The following THEMIS variants were observed in gnomAD, a reference collection of about 807,000 sequenced individuals.
THEMIS encodes the protein protein THEMIS.
In THEMIS, 37 loss-of-function variants were observed where a neutral mutation model predicts 52.6. The observed-to-expected ratio is 0.70, with a 90% CI of 0.54 to 0.93. The LOEUF (loss-of-function observed/expected upper bound fraction) is 0.93, where lower values mean the gene tolerates loss of function less well. Ranked by LOEUF, THEMIS falls within the 40% of genes least tolerant of loss-of-function variation. The pLI, the probability that THEMIS is intolerant of heterozygous loss-of-function variation, is 0.00. For missense variants in THEMIS, 808 were observed against 763.1 expected (o/e 1.06, Z -0.69); for synonymous variants, 292 against 272.7 (o/e 1.07, Z -0.70).
chr6:127,849,742 C>T (rs1016354968), intron 2 of THEMIS, among the ~76,000 whole-genome samples: 1 of 151,880 alleles, frequency 6.6e-6, no homozygotes, highest in African/African-American at 2.4e-5. Flanking sequence ...CAAAAATCAA[C>T]TCAAGATGGG....
intron 4 of THEMIS, among the ~76,000 whole-genome samples, chr6:127,733,171 C>T (rs1303570309): frequency 6.6e-6 from 1 of 152,130 alleles, no homozygotes; most frequent in Non-Finnish European, 1.5e-5. Context: ...TGAGTTTTTG[C>T]CCACTTTGTC....
chr6:127,738,191 T>C (rs1325800811), intron 4 of THEMIS, among the ~76,000 whole-genome samples: 1 of 152,102 alleles, frequency 6.6e-6, no homozygotes, highest in Non-Finnish European at 1.5e-5. Context: ...ATGCATAATA[T>C]AAAGCAAGAA....
intron 4 of THEMIS, among the ~76,000 whole-genome samples, chr6:127,785,008 A>G (rs1197647482): frequency 1.6e-5 from 2 of 128,976 alleles, no homozygotes; most frequent in Non-Finnish European, 3.5e-5. Flanking sequence ...TCTATCTATT[A>G]TCTATCTATC....
intron 4 of THEMIS, among the ~76,000 whole-genome samples, chr6:127,789,689 G>T (rs1777094971): frequency 1.3e-5 from 2 of 152,102 alleles, no homozygotes; most frequent in Non-Finnish European, 2.9e-5. Context: ...CATCAAGTCG[G>T]CTTCATCCCT....
chr6:127,856,163 G>A (rs928866313), intron 1 of THEMIS, among the ~76,000 whole-genome samples: 1 of 151,880 alleles, frequency 6.6e-6, no homozygotes, highest in Admixed American at 6.6e-5. Context: ...AGCGTTTTAG[G>A]TTTGCTTGTT....
chr6:127,842,905 C>G (rs1012743014), intron 2 of THEMIS, among the ~76,000 whole-genome samples: 1 of 151,884 alleles, frequency 6.6e-6, no homozygotes, highest in African/African-American at 2.4e-5. Flanking sequence ...GCCTGCTGTG[C>G]AACTCGGGCT....
At chr6:127,847,237 C>A (rs530788839) in intron 2 of THEMIS, among the ~76,000 whole-genome samples, 90 of 151,982 alleles carry the variant, frequency 5.9e-4, no homozygotes, top group African/African-American at 2.1e-3. Context: ...ACAAGGATGC[C>A]AACTTTCACC....
At chr6:127,887,014 C>T (rs180794173) in intron 1 of THEMIS, among the ~76,000 whole-genome samples, 1 of 151,916 alleles carries the variant, frequency 6.6e-6, no homozygotes, top group Admixed American at 6.6e-5. Flanking sequence ...CTACCTCCCC[C>T]CCCAAAAAAT....
intron 4 of THEMIS, among the ~76,000 whole-genome samples, chr6:127,747,504 G>A (rs1164744014): frequency 1.3e-5 from 2 of 150,584 alleles, no homozygotes; most frequent in African/African-American, 2.4e-5. Flanking sequence ...ATTGAAAAGA[G>A]TGAATTACAA....
intron 4 of THEMIS, among the ~76,000 whole-genome samples, chr6:127,724,206 C>G (rs147891422): frequency 0.011 from 1,661 of 152,130 alleles, 7 homozygotes; most frequent in Non-Finnish European, 0.018. Context: ...ATTTCAAATC[C>G]TGTGCTTTTA....
chr6:127,767,485 A>G (rs1241553406), intron 4 of THEMIS, among the ~76,000 whole-genome samples: 3 of 152,046 alleles, frequency 2.0e-5, no homozygotes, highest in Non-Finnish European at 4.4e-5. Flanking sequence ...ACTAAGACCC[A>G]AGAGCACACA....
chr6:127,725,143 C>T (rs968669358), intron 4 of THEMIS, among the ~76,000 whole-genome samples: 2 of 151,950 alleles, frequency 1.3e-5, no homozygotes, highest in Non-Finnish European at 2.9e-5. Flanking sequence ...AAAAAGCAAC[C>T]TCCCTCTCTG....
chr6:127,814,287 C>T (rs1562275839), intron 3 of THEMIS, among the ~76,000 whole-genome samples: 1 of 152,118 alleles, frequency 6.6e-6, no homozygotes, highest in Non-Finnish European at 1.5e-5. Context: ...TCATCCATAA[C>T]ATACATGAAT....
At chr6:127,712,757 G>C (rs552683754) in intron 5 of THEMIS, among the ~76,000 whole-genome samples, 8 of 151,824 alleles carry the variant, frequency 5.3e-5, no homozygotes, top group Non-Finnish European at 8.8e-5. Flanking sequence ...CTAAATAAGT[G>C]TCCTTCAATG....
upstream of THEMIS, among the ~76,000 whole-genome samples, chr6:127,903,372 A>G (rs1359260498): frequency 1.3e-5 from 2 of 152,050 alleles, no homozygotes; most frequent in Non-Finnish European, 2.9e-5. Flanking sequence ...TTAGAACAGC[A>G]TGTTATAGGT....
In THEMIS at chr6:127,896,386, A is replaced by G. The variant is rs530291380; in HGVS notation, c.91+4456T>C. Among the ~76,000 whole-genome samples the G allele has an allele frequency of 1.1e-4, 17 of 151,658 alleles. No individual in the cohort carries two copies. The South Asian group carries it at 3.5e-3, about 31-fold the overall frequency. ...AAGAGAAAATGATTTTAAAAATACCATTTAAAATGGCATGAAAAAATCAAA... is the reference window on the plus strand; with the variant it reads ...AAGAGAAAATGATTTTAAAAATACCGTTTAAAATGGCATGAAAAAATCAAA... On this transcript the variant is annotated intron_variant, in intron 1 of 5. Transcript: ENST00000368248.
intron 1 of THEMIS, among the ~76,000 whole-genome samples, chr6:127,890,459 G>T (rs763567451): frequency 9.9e-5 from 15 of 152,192 alleles, no homozygotes; most frequent in Middle Eastern, 6.8e-3. Context: ...GGGGTGAAGT[G>T]AGATTGGTTA....
chr6:127,843,951 C>G (rs1779131641), intron 2 of THEMIS, among the ~76,000 whole-genome samples: 1 of 152,028 alleles, frequency 6.6e-6, no homozygotes. Context: ...TACGGCTTCA[C>G]TGCAACTCCA....
the THEMIS span, among the ~76,000 whole-genome samples, chr6:127,699,980 G>A: frequency 6.6e-6 from 1 of 151,672 alleles, no homozygotes; most frequent in Non-Finnish European, 1.5e-5. Flanking sequence ...ATTAAGAACT[G>A]TGTTTTAACA....
Sources: allele counts gnomAD v4.1 joint callset (sites outside exome capture counted in the v4.1 genomes callset), GRCh38; gene constraint gnomAD v4.1.1; transcripts MANE v1.5; gene names NCBI Gene and HGNC (gene_info 2026-07-23, HGNC 2026-07-21).